The following ALPK3 variants were observed in gnomAD, a reference collection of about 807,000 sequenced individuals.
ALPK3 encodes alpha kinase 3.
ALPK3 carries 102 observed loss-of-function variants against 140.0 expected under a neutral mutation model. The ratio of observed to expected loss-of-function variants is 0.73; its 90% CI spans 0.62 to 0.86. ALPK3 has a LOEUF of 0.86. ALPK3 is among the 40% of genes least tolerant of loss of function. The pLI, the probability that ALPK3 is intolerant of heterozygous loss-of-function variation, is 0.00. For missense variants in ALPK3, 2,254 were observed against 2,208.2 expected (o/e 1.02, Z -0.42); for synonymous variants, 938 against 898.5 (o/e 1.04, Z -0.79).
chr15:84,817,577 G>A lies in ALPK3; in HGVS notation c.125G>A (p.Ser42Asn). ...CCAGCCAGCCGGAGCTACCTGCTCA[G>A]CGTGCGGCCCGAGACCAGGTAAGTG... ...PSPASRSYLL[S>N]VRPETSLSSN... Residue 42 changes from serine (S) to asparagine (N), a missense_variant, in exon 1 of 14, where the codon AGC becomes AAC. This residue lies in a region of ALPK3 where 2,088 missense variants were observed against 2,022.9 expected (regional missense o/e 1.03). Coordinates refer to ENST00000258888, the MANE Select transcript of ALPK3 (RefSeq NM_020778.5). The A allele has an allele frequency of 6.7e-7, 1 of 1,502,728 alleles. No individual in the cohort carries two copies. Among genetic ancestry groups the A allele is most frequent in the Non-Finnish European group, 8.8e-7 (1 of 1,131,436 alleles). 93.1% of individuals were successfully genotyped at this position (1,502,728 alleles called of 1,614,324 possible).
chr15:84,868,055 C>G (rs1396905203), intron 13 of ALPK3, 56 bp from the exon 14 acceptor site: 4 of 1,544,524 alleles, frequency 2.6e-6, no homozygotes, highest in Non-Finnish European at 3.5e-6. Flanking sequence ...GTCCGCCCCC[C>G]AAGGAACTGT....
At chr15:84,850,782 G>C (rs1011682422) in intron 5 of ALPK3, among the ~76,000 whole-genome samples, 5 of 151,892 alleles carry the variant, frequency 3.3e-5, no homozygotes, top group Admixed American at 6.6e-5. Flanking sequence ...TAGTAAAAAA[G>C]CTTACATAGA....
In ALPK3 at chr15:84,862,819, G is replaced by C; in HGVS notation, c.4314G>C (p.Ser1438=). The change falls in exon 10 of 14, where the codon TCG becomes TCC. Residue 1438 remains serine, a synonymous_variant. Transcript: ENST00000258888. ...ACGGGCTGGAACCCATCTTCGAGTC[G>C]GGCCGCACGTGCATCATCAAGGTGT... ...VIYGLEPIFE[S]GRTCIIKVSS... The C allele has an allele frequency of 1.2e-6, 2 of 1,614,132 alleles. No individual in the cohort carries two copies. Among genetic ancestry groups the C allele is most frequent in the Non-Finnish European group, 1.7e-6 (2 of 1,180,028 alleles).
chr15:84,824,802 C>G (rs112139194), intron 2 of ALPK3, among the ~76,000 whole-genome samples: 4 of 152,182 alleles, frequency 2.6e-5, no homozygotes, highest in African/African-American at 9.7e-5. Flanking sequence ...AAGGACTTGT[C>G]AGGGTTGGAC....
chr15:84,838,945 C>A, intron 3 of ALPK3, 35 bp from the exon 4 acceptor site: 2 of 1,588,412 alleles, frequency 1.3e-6, no homozygotes, highest in Non-Finnish European at 1.7e-6. Context: ...TTGGAACTGG[C>A]CTTGCTGTAA....
chr15:84,840,422 T>C lies in ALPK3; in HGVS notation c.1143T>C (p.Ser381=). 1 of 1,613,912 alleles carries C rather than the reference T, an allele frequency of 6.2e-7. No individual in the cohort carries two copies. The highest frequency in any genetic ancestry group is 8.5e-7 in the Non-Finnish European group (1 of 1,179,900). ...RGRAARGPGS[S]GTDSTRKPAS... ...GGGCTGCACGGGGGCCTGGGTCCTC[T>C]GGCACAGATAGTACCAGGAAGCCAG... The change falls in exon 5 of 14, where the codon TCT becomes TCC. Residue 381 remains serine, a synonymous_variant. Coordinates refer to ENST00000258888, the MANE Select transcript of ALPK3 (RefSeq NM_020778.5).
rs774185890 is a variant in ALPK3 at position 84,871,068 on chromosome 15, C to G, written c.*2612C>G. On this transcript the variant is annotated 3_prime_UTR_variant, in exon 14 of 14. Coordinates refer to ENST00000258888, the MANE Select transcript of ALPK3 (RefSeq NM_020778.5). Reference sequence around the variant, plus strand: ...TTTATCACAATTCCATTTTGAAATTCTACAACCTGTAGATTAACTGGTAAA... The same window carrying G: ...TTTATCACAATTCCATTTTGAAATTGTACAACCTGTAGATTAACTGGTAAA... 3.3e-5 allele frequency: 5 copies of G among 152,618 alleles called. No individual in the cohort carries two copies. Among genetic ancestry groups the G allele is most frequent in the Admixed American group, 1.3e-4 (2 of 15,274 alleles). 9.5% of individuals were successfully genotyped at this position (152,618 alleles called of 1,614,324 possible).
At chr15:84,822,138 G>A (rs1170646787) in intron 1 of ALPK3, among the ~76,000 whole-genome samples, 1 of 152,114 alleles carries the variant, frequency 6.6e-6, no homozygotes, top group Non-Finnish European at 1.5e-5. Flanking sequence ...GGGCTGAGGT[G>A]GTCATCAAAT....
Position 84,864,497 on chromosome 15 carries a change from C to T in ALPK3, c.4555C>T (p.Leu1519=). ...RPANNIPYAT[L]EEDLGKPLES... ...TGCAAACAATATCCCATATGCTACCCTGGAGGAAGACCTGGGCAAGCCCCT... is the reference window on the plus strand; with the variant it reads ...TGCAAACAATATCCCATATGCTACCTTGGAGGAAGACCTGGGCAAGCCCCT... Residue 1519 remains leucine (L), a synonymous_variant, in exon 12 of 14, where the codon CTG becomes TTG. Transcript: ENST00000258888. 1 of 1,614,188 alleles carries T rather than the reference C, an allele frequency of 6.2e-7. No homozygotes were observed. Among genetic ancestry groups the T allele is most frequent in the Non-Finnish European group, 8.5e-7 (1 of 1,180,032 alleles).
rs955410854 is a variant in ALPK3, at chr15:84,862,657, C to T, written c.4152C>T (p.Thr1384=). ...EGEVGEEIEM[T]PMVFAKGLAD... The stretch of plus-strand genomic sequence containing the variant: ...CAGTTGGAGAAGAGATTGAGATGAC[C>T]CCTATGGTGTTTGCTAAGGGTCTGG... The change falls in exon 10 of 14, where the codon ACC becomes ACT. Residue 1384 remains threonine, a synonymous_variant. Transcript: ENST00000258888. 22 of 1,613,550 alleles carry T rather than the reference C, an allele frequency of 1.4e-5. No homozygotes were observed. Among genetic ancestry groups the T allele is most frequent in the Middle Eastern group, 1.6e-4 (1 of 6,080 alleles).
chr15:84,848,696 C>T (rs923942087), intron 5 of ALPK3, among the ~76,000 whole-genome samples: 1 of 152,072 alleles, frequency 6.6e-6, no homozygotes, highest in South Asian at 2.1e-4. Context: ...AAAACTTTCC[C>T]AACTTGATGC....
intron 2 of ALPK3, among the ~76,000 whole-genome samples, 172 bp downstream of exon 2, chr15:84,823,540 G>T (rs559117781): frequency 6.6e-6 from 1 of 152,160 alleles, no homozygotes; most frequent in South Asian, 2.1e-4. Context: ...GCTCTCACAG[G>T]GGGCCAGAGT....
intron 2 of ALPK3, among the ~76,000 whole-genome samples, chr15:84,825,227 A>G (rs563337575): frequency 6.6e-6 from 1 of 151,482 alleles, no homozygotes; most frequent in Non-Finnish European, 1.5e-5. Flanking sequence ...ACCAGGCTGG[A>G]GTGCAGTGGC....
chr15:84,863,247 C>G (rs1387744843), intron 10 of ALPK3, among the ~76,000 whole-genome samples: 1 of 152,116 alleles, frequency 6.6e-6, no homozygotes, highest in Non-Finnish European at 1.5e-5. Context: ...GTGGGGTGGG[C>G]AGTCTTCCTG....
rs758870239 is a variant in ALPK3 at position 84,856,395 on chromosome 15, C to G, written c.1657C>G (p.Leu553Val). 3 of 1,591,240 alleles carry G rather than the reference C, an allele frequency of 1.9e-6. No individual in the cohort carries two copies. In the African/African-American group the frequency reaches 4.1e-5, roughly 22 times the overall value. The change falls in exon 6 of 14, where the codon CTG becomes GTG. Residue 553 changes from leucine (L) to valine (V), a missense_variant. Transcript: ENST00000258888. ...GCTTTTGTCCCTCTGTTTTCAGGTC[C>G]TGGAATGCCAGACAACCACGGCTCC... ...QAGHRTPGEV[L>V]ECQTTTAPTM... is the part of the protein sequence containing the mutation.
At position 84,872,442 on chromosome 15, in the gene ALPK3, C is replaced by T. The variant is rs1964084330; in HGVS notation, c.*3986C>T. ...GCGTCGGCTGCACAAAAGACTTTCC[C>T]AGCTGCAATGCCTTCGCCTGCTCTA... On this transcript the variant is annotated 3_prime_UTR_variant, in exon 14 of 14. Transcript: ENST00000258888. 1 of 152,268 alleles carries T rather than the reference C, an allele frequency of 6.6e-6. No homozygotes were observed. The highest frequency in any genetic ancestry group is 1.5e-5 in the Non-Finnish European group (1 of 68,058). 9.4% of individuals were successfully genotyped at this position (152,268 alleles called of 1,614,324 possible).
At chr15:84,862,940 C>T (rs1407663680) in intron 10 of ALPK3, 25 bp downstream of exon 10, 2 of 1,603,558 alleles carry the variant, frequency 1.2e-6, no homozygotes, top group Non-Finnish European at 1.7e-6. Context: ...CTTCACACCC[C>T]ATTCTTTTAT....
At chr15:84,822,798 C>T (rs1963441965) in intron 1 of ALPK3, among the ~76,000 whole-genome samples, 1 of 152,178 alleles carries the variant, frequency 6.6e-6, no homozygotes, top group African/African-American at 2.4e-5. Flanking sequence ...CCTTGTTTTT[C>T]TCTTTTTCAC....
At chr15:84,866,085 C>G (rs1210764445) in intron 12 of ALPK3, among the ~76,000 whole-genome samples, 2 of 152,326 alleles carry the variant, frequency 1.3e-5, no homozygotes, top group East Asian at 3.9e-4. Flanking sequence ...CTTTCCCTTT[C>G]TAGGAATAAT....
Sources: gnomAD v4.1 joint callset for allele counts (sites outside exome capture counted in the v4.1 genomes callset) on GRCh38, gnomAD v4.1.1 for gene constraint, gnomAD v4.1.1 regional missense constraint, MANE v1.5 for transcripts, NCBI Gene and HGNC (gene_info 2026-07-23, HGNC 2026-07-21) for gene names.